PICALM: variants seen among roughly 807,000 people sequenced by gnomAD.
PICALM encodes phosphatidylinositol-binding clathrin assembly protein.
In PICALM, 40 loss-of-function variants were observed where a neutral mutation model predicts 80.5. The observed-to-expected ratio is 0.50, with a 90% CI of 0.39 to 0.65. The LOEUF is 0.65. PICALM is among the 30% of genes least tolerant of loss of function. The pLI is 0.00. For missense variants in PICALM, 676 were observed against 778.9 expected, an observed-to-expected ratio of 0.87 and a Z score of 1.57; for synonymous variants, 288 against 260.3, an observed-to-expected ratio of 1.11 and a Z score of -1.02.
intron 19 of PICALM, 120 bp from the exon 20 acceptor site, chr11:85,959,180 C>T (rs967995136): frequency 1.8e-6 from 1 of 568,812 alleles, no homozygotes; most frequent in Admixed American, 3.1e-5. Context: ...ATGCTTATCA[C>T]AAACCCTGTT....
chr11:86,016,419 T>C (rs1162382453), intron 4 of PICALM, among the ~76,000 whole-genome samples: 3 of 152,238 alleles, frequency 2.0e-5, no homozygotes, highest in Non-Finnish European at 4.4e-5. Context: ...TTTGACCTCA[T>C]CAGAAACTTC....
rs751970687 is a variant in PICALM at position 85,959,053 on chromosome 11, A to C, written c.1952T>G (p.Phe651Cys). 6.3e-7 allele frequency: 1 copy of C among 1,590,142 alleles called. No homozygotes were observed. Among genetic ancestry groups the C allele is most frequent in the Non-Finnish European group, 8.6e-7 (1 of 1,162,836 alleles). ...CCATTTTCTTCCATCAAGTTACATA[A>C]ACTGTATCTGGAAAAAAAAAGTGGG... Reference protein sequence around the residue: ...FGPVSGAQIQFM With the variant: ...FGPVSGAQIQCM Residue 651 changes from phenylalanine (F) to cysteine (C), a missense_variant, in exon 20 of 20, where the codon TTT becomes TGT. This residue lies in a region of PICALM where 391 missense variants were observed against 383.6 expected (regional missense o/e 1.02). Coordinates refer to ENST00000393346, the MANE Select transcript of PICALM (RefSeq NM_007166.4).
At chr11:85,997,182 T>C (rs915740442) in intron 11 of PICALM, among the ~76,000 whole-genome samples, 1 of 152,178 alleles carries the variant, frequency 6.6e-6, no homozygotes, top group Admixed American at 6.5e-5. Context: ...AGGATGAATG[T>C]CTTCCCCTAG....
intron 12 of PICALM, among the ~76,000 whole-genome samples, chr11:85,993,581 GGTGCACA>G (rs148438578): frequency 0.16 from 24,779 of 151,786 alleles, 2,576 homozygotes; most frequent in Middle Eastern, 0.24. Flanking sequence ...TGGGATTACA[GGTGCACA>G]CCACCACACC....
rs2094432199 is a variant in PICALM, at chr11:85,981,166, T to C, written c.1742A>G (p.Lys581Arg). Residue 581 changes from lysine (K) to arginine (R), a missense_variant, in exon 17 of 20, where the codon AAG becomes AGG. Physicochemically the swap from Lys to Arg is conservative, Grantham distance 26. Coordinates refer to ENST00000393346, the MANE Select transcript of PICALM (RefSeq NM_007166.4). ...ATTCCAAGCGGTTGTTGGTGCAACCTTTGGTTGCCAGTTAGATCCCCCAGT... is the reference window on the plus strand; with the variant it reads ...ATTCCAAGCGGTTGTTGGTGCAACCCTTGGTTGCCAGTTAGATCCCCCAGT... ...KLTGGSNWQP[K>R]VAPTTAWNAA... 6.2e-7 allele frequency: 1 copy of C among 1,607,988 alleles called. No homozygotes were observed. Among genetic ancestry groups the C allele is most frequent in the Non-Finnish European group, 8.5e-7 (1 of 1,174,380 alleles).
intron 12 of PICALM, among the ~76,000 whole-genome samples, chr11:85,995,935 A>C (rs1377318027): frequency 6.6e-6 from 1 of 152,166 alleles, no homozygotes; most frequent in African/African-American, 2.4e-5. Context: ...CTTCAAAGTC[A>C]ATTAGTTTTT....
intron 14 of PICALM, 29 bp downstream of exon 14, chr11:85,983,837 A>G (rs1489909020): frequency 1.1e-6 from 1 of 891,324 alleles, no homozygotes. Flanking sequence ...GGACATTATA[A>G]TATTTTTAAT....
chr11:86,059,777 T>C lies in PICALM; in HGVS notation c.130+8874A>G, dbSNP rs77425902. On this transcript the variant is annotated intron_variant, in intron 1 of 19. Transcript: ENST00000393346. ...ACCCTGTCTTTAGTCCAAGGAATCATATGTGCAAAGGCTAACGGTTTGGTA... is the reference window on the plus strand; with the variant it reads ...ACCCTGTCTTTAGTCCAAGGAATCACATGTGCAAAGGCTAACGGTTTGGTA... Among the ~76,000 whole-genome samples, 796 of 152,058 alleles carry C rather than the reference T, an allele frequency of 5.2e-3. 6 individuals carry two copies. The highest frequency in any genetic ancestry group is 9.2e-3 in the Non-Finnish European group (625 of 68,008).
intron 19 of PICALM, among the ~76,000 whole-genome samples, chr11:85,970,030 AAAGGT>A (rs989258571): frequency 1.3e-5 from 2 of 152,206 alleles, no homozygotes; most frequent in African/African-American, 2.4e-5. Context: ...ATATGATGAA[AAAGGT>A]AAGTTTACAA....
intron 1 of PICALM, among the ~76,000 whole-genome samples, chr11:86,047,028 T>C (rs2096084081): frequency 1.3e-5 from 2 of 152,240 alleles, no homozygotes. Flanking sequence ...TGCTCTATTA[T>C]AATATCTCTA....
intron 5 of PICALM, among the ~76,000 whole-genome samples, chr11:86,012,771 A>C (rs796961256): frequency 6.6e-5 from 10 of 152,258 alleles, no homozygotes; most frequent in African/African-American, 2.2e-4. Flanking sequence ...GGCAAACAAA[A>C]AACTGGTAAA....
In PICALM at chr11:85,981,175, CAGTT is replaced by C; in HGVS notation, c.1729_1732del (p.Asn577GlyfsTer20). ...GGTTGTTGGTGCAACCTTTGGTTGCCAGTTAGATCCCCCAGTTAACTTCTTTTCA... is the reference window on the plus strand; with the variant it reads ...GGTTGTTGGTGCAACCTTTGGTTGCCAGATCCCCCAGTTAACTTCTTTTCA... On this transcript the variant is annotated frameshift_variant, in exon 17 of 20. Coordinates refer to ENST00000393346, the MANE Select transcript of PICALM (RefSeq NM_007166.4). LOFTEE classifies it high-confidence loss of function. 1 of 1,610,294 alleles carries C rather than the reference CAGTT, an allele frequency of 6.2e-7. No individual in the cohort carries two copies. Among genetic ancestry groups the C allele is most frequent in the Non-Finnish European group, 8.5e-7 (1 of 1,176,548 alleles).
At chr11:86,035,615 AC>A (rs2095826946) in intron 1 of PICALM, among the ~76,000 whole-genome samples, 1 of 152,166 alleles carries the variant, frequency 6.6e-6, no homozygotes, top group African/African-American at 2.4e-5. Context: ...TCATAAATTT[AC>A]AACCTAAAAT....
intron 19 of PICALM, among the ~76,000 whole-genome samples, chr11:85,963,469 C>T (rs2093760469): frequency 6.6e-6 from 1 of 152,186 alleles, no homozygotes; most frequent in Admixed American, 6.6e-5. Flanking sequence ...GCTATCAGTT[C>T]GTTCAAATCA....
chr11:86,004,990 G>A (rs1021527498), intron 8 of PICALM, among the ~76,000 whole-genome samples: 2 of 152,182 alleles, frequency 1.3e-5, no homozygotes, highest in Non-Finnish European at 2.9e-5. Flanking sequence ...GGATGTTGAT[G>A]ATAGTGGTTA....
chr11:86,039,083 T>C (rs527443631), intron 1 of PICALM, among the ~76,000 whole-genome samples: 17 of 148,642 alleles, frequency 1.1e-4, no homozygotes, highest in African/African-American at 4.0e-4. Context: ...TGCACTCTTG[T>C]CTGGGCAACA....
chr11:86,014,943 G>T lies in PICALM; in HGVS notation c.473C>A (p.Thr158Lys). ...VKRGADGVMRTMNTEKLLKTV... is the reference protein window; with the variant it reads ...VKRGADGVMRKMNTEKLLKTV... Reference sequence around the variant, plus strand: ...TTTTAGGAGTTTTTCTGTGTTCATTGTTCTCATAACTCCATCAGCCCTGTT... The same window carrying T: ...TTTTAGGAGTTTTTCTGTGTTCATTTTTCTCATAACTCCATCAGCCCTGTT... Residue 158 changes from threonine to lysine, a missense_variant, in exon 5 of 20, where the codon ACA becomes AAA. Physicochemically the swap from Thr to Lys is moderately conservative, Grantham distance 78. This residue lies in a region of PICALM where 285 missense variants were observed against 395.4 expected (regional missense o/e 0.72). Transcript: ENST00000393346. 6.3e-7 allele frequency: 1 copy of T among 1,590,788 alleles called. No homozygotes were observed. Among genetic ancestry groups the T allele is most frequent in the Non-Finnish European group, 8.6e-7 (1 of 1,165,136 alleles).
At chr11:86,022,676 A>T (rs933253082) in intron 3 of PICALM, among the ~76,000 whole-genome samples, 9 of 152,084 alleles carry the variant, frequency 5.9e-5, no homozygotes, top group Non-Finnish European at 1.2e-4. Flanking sequence ...TTTAAATCAG[A>T]TAAGTCCTAT....
chr11:85,971,748 CA>C (rs1481075082), intron 19 of PICALM, among the ~76,000 whole-genome samples: 2 of 146,904 alleles, frequency 1.4e-5, no homozygotes, highest in Non-Finnish European at 3.0e-5. Flanking sequence ...AAAAAAAAAA[CA>C]AAACAAAAAC....
Sources: gnomAD v4.1 joint callset for allele counts (sites outside exome capture counted in the v4.1 genomes callset) on GRCh38, gnomAD v4.1.1 for gene constraint, gnomAD v4.1.1 regional missense constraint, MANE v1.5 for transcripts, NCBI Gene and HGNC (gene_info 2026-07-23, HGNC 2026-07-21) for gene names.